The following PTPRR variants were observed in gnomAD, a reference collection of about 807,000 sequenced individuals.
The protein encoded by PTPRR is receptor-type tyrosine-protein phosphatase R.
In PTPRR, 38 loss-of-function variants were observed where a neutral mutation model predicts 77.2. That is an observed-to-expected ratio of 0.49 (90% CI 0.38 to 0.65). The LOEUF (loss-of-function observed/expected upper bound fraction) is 0.65, where lower values mean the gene tolerates loss of function less well. Ranked by LOEUF, PTPRR falls within the 30% of genes least tolerant of loss-of-function variation. The pLI is 0.00. For synonymous variants in PTPRR, 299 were observed against 283.1 expected (o/e 1.06, Z -0.57); for missense variants, 744 against 799.2 (o/e 0.93, Z 0.83).
At chr12:70,783,599 G>A (rs371382609) in intron 2 of PTPRR, among the ~76,000 whole-genome samples, 154 of 152,106 alleles carry the variant, frequency 1.0e-3, no homozygotes, top group African/African-American at 3.6e-3. Flanking sequence ...CTGGTTCATG[G>A]GCAGCCATGG....
At chr12:70,902,123 T>G (rs1467007260) in intron 1 of PTPRR, among the ~76,000 whole-genome samples, 1 of 151,880 alleles carries the variant, frequency 6.6e-6, no homozygotes, top group African/African-American at 2.4e-5. Flanking sequence ...CAATACCACC[T>G]TACTCGTGCA....
intron 2 of PTPRR, among the ~76,000 whole-genome samples, chr12:70,770,538 A>G (rs906665212): frequency 2.4e-4 from 36 of 152,348 alleles, no homozygotes; most frequent in African/African-American, 8.7e-4. Context: ...GTGGAGAAAT[A>G]GGAACACTTT....
chr12:70,767,617 G>T (rs1890860322), intron 2 of PTPRR, among the ~76,000 whole-genome samples: 1 of 151,976 alleles, frequency 6.6e-6, no homozygotes, highest in Admixed American at 6.6e-5. Context: ...GAGATAGAAA[G>T]TTAACAAGGA....
At chr12:70,780,077 C>T (rs1424025795) in intron 2 of PTPRR, among the ~76,000 whole-genome samples, 6 of 151,992 alleles carry the variant, frequency 3.9e-5, no homozygotes, top group African/African-American at 7.3e-5. Flanking sequence ...CTGCAACCTC[C>T]GCCTACTGGG....
intron 12 of PTPRR, among the ~76,000 whole-genome samples, chr12:70,658,065 C>T (rs1017788073): frequency 6.6e-6 from 1 of 152,194 alleles, no homozygotes; most frequent in Non-Finnish European, 1.5e-5. Flanking sequence ...ACCTCCCTAC[C>T]ATGGTATTCA....
chr12:70,883,663 G>A (rs1032885073), intron 2 of PTPRR, among the ~76,000 whole-genome samples: 4 of 152,106 alleles, frequency 2.6e-5, no homozygotes, highest in Admixed American at 2.0e-4. Context: ...AGTAGAAACC[G>A]TGTTACTTTA....
chr12:70,730,296 A>T (rs1230143902), intron 6 of PTPRR, among the ~76,000 whole-genome samples: 1 of 152,216 alleles, frequency 6.6e-6, no homozygotes, highest in Non-Finnish European at 1.5e-5. Context: ...GGATCACCTC[A>T]GGTCAGGAGT....
In PTPRR at chr12:70,764,717, A is replaced by G. The variant is rs1890773359; in HGVS notation, c.419T>C (p.Val140Ala). 1 of 1,613,912 alleles carries G rather than the reference A, an allele frequency of 6.2e-7. No homozygotes were observed. The highest frequency in any genetic ancestry group is 1.1e-5 in the South Asian group (1 of 91,076). Reference protein sequence around the residue: ...ITLLRIFRQGVAAALGLLPQQ... With the variant: ...ITLLRIFRQGAAAALGLLPQQ... ...GGGTAAGAGTCCTAAAGCTGCAGCC[A>G]CTCCTTGGCGGAAGATCCGAAGCAA... Residue 140 changes from valine to alanine, a missense_variant, in exon 3 of 14, where the codon GTG becomes GCG. Val to Ala is a moderately conservative substitution (Grantham distance 64). Coordinates refer to ENST00000283228, the MANE Select transcript of PTPRR (RefSeq NM_002849.4).
intron 2 of PTPRR, among the ~76,000 whole-genome samples, chr12:70,787,370 A>G (rs1056554267): frequency 2.6e-5 from 4 of 152,226 alleles, no homozygotes; most frequent in African/African-American, 9.6e-5. Flanking sequence ...TCAATTATCA[A>G]CTGAGTAATT....
At chr12:70,832,029 C>T (rs1289851614) in intron 2 of PTPRR, among the ~76,000 whole-genome samples, 1 of 152,200 alleles carries the variant, frequency 6.6e-6, no homozygotes, top group African/African-American at 2.4e-5. Flanking sequence ...ATAACTTTAT[C>T]ATAGCAAATT....
At chr12:70,829,953 T>C (rs1892182613) in intron 2 of PTPRR, among the ~76,000 whole-genome samples, 1 of 152,182 alleles carries the variant, frequency 6.6e-6, no homozygotes. Flanking sequence ...CCAAATAAGA[T>C]TGAGGCTCCA....
At chr12:70,654,939 C>T (rs1241065368) in intron 13 of PTPRR, among the ~76,000 whole-genome samples, 1 of 152,196 alleles carries the variant, frequency 6.6e-6, no homozygotes, top group Non-Finnish European at 1.5e-5. Flanking sequence ...GCCACCATAC[C>T]TAGCCAACAA....
At chr12:70,784,283 A>G (rs754253235) in intron 2 of PTPRR, among the ~76,000 whole-genome samples, 4 of 152,148 alleles carry the variant, frequency 2.6e-5, no homozygotes, top group South Asian at 2.1e-4. Flanking sequence ...CCACCTGCCA[A>G]CTTGGAAGGG....
chr12:70,765,981 C>G (rs1391101645), intron 2 of PTPRR, among the ~76,000 whole-genome samples: 2 of 152,168 alleles, frequency 1.3e-5, no homozygotes, highest in Non-Finnish European at 2.9e-5. Context: ...AACTAACAAA[C>G]AGAAAGGACA....
At chr12:70,715,875 T>C (rs1355172737) in intron 6 of PTPRR, among the ~76,000 whole-genome samples, 2 of 152,254 alleles carry the variant, frequency 1.3e-5, no homozygotes, top group Non-Finnish European at 2.9e-5. Flanking sequence ...GCGACATACA[T>C]CCTTCTCAGC....
chr12:70,639,268 C>A lies in PTPRR; in HGVS notation c.1890G>T (p.Met630Ile). The A allele has an allele frequency of 6.2e-7, 1 of 1,612,990 alleles. No individual in the cohort carries two copies. The highest frequency in any genetic ancestry group is 1.7e-4 in the Middle Eastern group (1 of 6,056). The part of the protein sequence containing the change: ...VCQLRMDRGG[M>I]VQTSEQYEFV... The stretch of plus-strand genomic sequence containing the variant: ...ATTCATACTGCTCACTGGTTTGCAC[C>A]ATTCCACCTCTGCAAGGAAGAAATC... The change falls in exon 14 of 14, where the codon ATG becomes ATT. Residue 630 changes from methionine to isoleucine, a missense_variant. Around this residue, in one of 3 missense-constraint regions of PTPRR, gnomAD observed 170 missense variants for 209.8 expected, o/e 0.81. Coordinates refer to ENST00000283228, the MANE Select transcript of PTPRR (RefSeq NM_002849.4).
intron 2 of PTPRR, among the ~76,000 whole-genome samples, chr12:70,829,203 TGAAGGAAA>T (rs373496184): frequency 2.3e-4 from 35 of 149,936 alleles, no homozygotes; most frequent in East Asian, 3.9e-4. Flanking sequence ...ACTTGAAAAT[TGAAGGAAA>T]GAAGGAAAGA....
At chr12:70,696,336 T>C (rs1888232988) in intron 8 of PTPRR, among the ~76,000 whole-genome samples, 1 of 152,180 alleles carries the variant, frequency 6.6e-6, no homozygotes. Flanking sequence ...CTTGATTTTA[T>C]AGACTGTTTC....
At chr12:70,694,625 GAAAAC>G (rs80176572) in intron 8 of PTPRR, among the ~76,000 whole-genome samples, 4,370 of 151,960 alleles carry the variant, frequency 0.029, 93 homozygotes, top group South Asian at 0.11. Flanking sequence ...ACATAAAGAT[GAAAAC>G]AATAGTAACT....
Sources: gnomAD v4.1 joint callset for allele counts (sites outside exome capture counted in the v4.1 genomes callset) on GRCh38, gnomAD v4.1.1 for gene constraint, gnomAD v4.1.1 regional missense constraint, MANE v1.5 for transcripts, NCBI Gene and HGNC (gene_info 2026-07-23, HGNC 2026-07-21) for gene names.